Variants in FXR1 observed in about 807,000 individuals in gnomAD.
The protein encoded by FXR1 is RNA-binding protein FXR1.
Under a neutral mutation model 84.0 loss-of-function variants are expected in FXR1, and 15 were observed. The ratio of observed to expected loss-of-function variants is 0.18; its 90% CI spans 0.12 to 0.27. The LOEUF is 0.27. FXR1 is among the 10% of genes least tolerant of loss of function. The pLI is 1.00. For missense variants in FXR1, 480 were observed against 774.4 expected (o/e 0.62, Z 4.51); for synonymous variants, 245 against 250.7 (o/e 0.98, Z 0.21).
rs970863467 is a variant in FXR1 at position 180,937,725 on chromosome 3, G to A, written c.198+2494G>A. 3.3e-5 allele frequency among the ~76,000 whole-genome samples: 5 copies of A among 152,096 alleles called. 1 individual carries two copies. Among genetic ancestry groups the A allele is most frequent in the South Asian group, 4.1e-4 (2 of 4,820 alleles). The stretch of plus-strand genomic sequence containing the variant: ...TTTATTAAGGATTTATCCATATTAC[G>A]TAGAGTGTTTAGAAATTCGGAGTTA... On this transcript the variant is annotated intron_variant, in intron 3 of 16. Transcript: ENST00000357559.
intron 8 of FXR1, among the ~76,000 whole-genome samples, chr3:180,952,828 C>CTTTT (rs371547296): frequency 1.6e-5 from 2 of 121,500 alleles, no homozygotes; most frequent in Admixed American, 8.5e-5. Context: ...ATTTTATTTG[C>CTTTT]TTTTTTTTTT....
Position 180,970,296 on chromosome 3 carries a change from A to T in FXR1, c.1541A>T (p.Asp514Val), listed in dbSNP as rs748751491. Reference protein sequence around the residue: ...RRSRRRRTDEDAVLMDGMTES... With the variant: ...RRSRRRRTDEVAVLMDGMTES... The stretch of plus-strand genomic sequence containing the variant: ...TCTCGTAGACGAAGGACTGATGAAG[A>T]TGCTGTTCTGATGGATGGAATGACT... The change falls in exon 15 of 17, where the codon GAT (aspartate) becomes GTT (valine). Residue 514 changes from aspartate to valine, a missense_variant. Around this residue, in one of 6 missense-constraint regions of FXR1, gnomAD observed 157 missense variants for 227.8 expected, o/e 0.69. Coordinates refer to ENST00000357559, the MANE Select transcript of FXR1 (RefSeq NM_005087.4). The T allele has an allele frequency of 1.2e-6, 2 of 1,606,950 alleles. No individual in the cohort carries two copies. The highest frequency in any genetic ancestry group is 8.5e-7 in the Non-Finnish European group (1 of 1,175,046).
At chr3:180,940,773 T>A (rs1393234998) in intron 3 of FXR1, among the ~76,000 whole-genome samples, 1 of 151,994 alleles carries the variant, frequency 6.6e-6, no homozygotes, top group Non-Finnish European at 1.5e-5. Flanking sequence ...ACGGGTTTTC[T>A]CCACATTGGT....
intron 1 of FXR1, among the ~76,000 whole-genome samples, chr3:180,932,527 T>C (rs1210484998): frequency 6.6e-6 from 1 of 152,186 alleles, no homozygotes; most frequent in East Asian, 1.9e-4. Flanking sequence ...CTTTCTTGAG[T>C]ATGTCAGATC....
chr3:180,947,604 A>G (rs959814014), intron 3 of FXR1, among the ~76,000 whole-genome samples: 1 of 152,232 alleles, frequency 6.6e-6, no homozygotes, highest in African/African-American at 2.4e-5. Context: ...GCATTTCTTT[A>G]AAATAATACT....
rs764441543 is a variant in FXR1, at chr3:180,976,282, G to A, written c.1856G>A (p.Gly619Asp). 6 of 1,597,660 alleles carry A rather than the reference G, an allele frequency of 3.8e-6. No homozygotes were observed. The highest frequency in any genetic ancestry group is 5.1e-6 in the Non-Finnish European group (6 of 1,171,972). Reference sequence around the variant, plus strand: ...ACTCAAGAAGCAGCAGTCCTGAATGGTGTTTCATAAACTGAAGAAGTTCCT... The same window carrying A: ...ACTCAAGAAGCAGCAGTCCTGAATGATGTTTCATAAACTGAAGAAGTTCCT... ...ENTQEAAVLN[G>D]VS Residue 619 changes from glycine (G) to aspartate (D), a missense_variant, in exon 17 of 17, where the codon GGT becomes GAT. By Grantham distance (94) the Gly-to-Asp change is moderately conservative (BLOSUM62 -1). Coordinates refer to ENST00000357559, the MANE Select transcript of FXR1 (RefSeq NM_005087.4).
intron 7 of FXR1, 52 bp from the exon 8 acceptor site, chr3:180,951,246 A>C (rs1722208662): frequency 1.7e-6 from 2 of 1,174,950 alleles, no homozygotes; most frequent in South Asian, 1.3e-5. Flanking sequence ...CCATACAAAA[A>C]AGCCATTTTG....
chr3:180,925,603 A>G (rs1279517314), intron 1 of FXR1, among the ~76,000 whole-genome samples: 1 of 152,194 alleles, frequency 6.6e-6, no homozygotes, highest in African/African-American at 2.4e-5. Flanking sequence ...TTTGAGTACT[A>G]AAGAGTGACA....
intron 1 of FXR1, among the ~76,000 whole-genome samples, chr3:180,925,379 A>G (rs534572930): frequency 6.7e-6 from 1 of 148,270 alleles, no homozygotes; most frequent in East Asian, 2.0e-4. Flanking sequence ...AAAAAAGTAC[A>G]TTCCTCTGTT....
intron 1 of FXR1, among the ~76,000 whole-genome samples, chr3:180,917,948 A>C (rs865861267): frequency 2.5e-3 from 171 of 68,808 alleles, no homozygotes; most frequent in African/African-American, 0.012. Context: ...CTCTGTCTCC[A>C]AAAAAAAAAA....
intron 15 of FXR1, among the ~76,000 whole-genome samples, chr3:180,972,138 C>T (rs1286650926): frequency 1.3e-5 from 2 of 152,086 alleles, no homozygotes; most frequent in African/African-American, 4.8e-5. Context: ...TGTTTTCCTT[C>T]CCCTTCTTTC....
intron 15 of FXR1, 25 bp downstream of exon 15, chr3:180,970,383 A>AATATATAG (rs1713379998): frequency 2.7e-6 from 1 of 366,380 alleles, no homozygotes; most frequent in Non-Finnish European, 5.3e-6. Flanking sequence ...AGGGAAGAGA[A>AATATATAG]ATATATATAT....
intron 3 of FXR1, among the ~76,000 whole-genome samples, chr3:180,947,191 G>A (rs1021792128): frequency 5.3e-5 from 8 of 152,054 alleles, no homozygotes; most frequent in African/African-American, 1.9e-4. Flanking sequence ...TGAGATTACA[G>A]GCACCTGCCA....
chr3:180,970,076 A>G, intron 14 of FXR1, 82 bp from the exon 15 acceptor site: 3 of 658,682 alleles, frequency 4.6e-6, no homozygotes, highest in Non-Finnish European at 8.4e-6. Flanking sequence ...TTTATTTGTC[A>G]TTGATATAGT....
At chr3:180,920,232 T>A (rs1207171622) in intron 1 of FXR1, among the ~76,000 whole-genome samples, 4 of 152,170 alleles carry the variant, frequency 2.6e-5, no homozygotes, top group Non-Finnish European at 5.9e-5. Flanking sequence ...GTAACCTTTT[T>A]GTTTTTACAG....
rs115339610 is a variant in FXR1, at chr3:180,963,727, C to T, written c.1198+637C>T. Among the ~76,000 whole-genome samples the T allele has an allele frequency of 2.5e-3, 373 of 152,188 alleles. 1 individual carries two copies. The highest frequency in any genetic ancestry group is 8.5e-3 in the African/African-American group (353 of 41,524). ...TTTCACTGTGAGGATTGGGTCTAAC[C>T]CAGATAGGAAGGGGGACAGTGGAGT... On this transcript the variant is annotated intron_variant, in intron 13 of 16. Coordinates refer to ENST00000357559, the MANE Select transcript of FXR1 (RefSeq NM_005087.4).
intron 10 of FXR1, 129 bp from the exon 11 acceptor site, chr3:180,961,339 C>CA (rs34386869): frequency 0.018 from 5,290 of 290,704 alleles, 361 homozygotes; most frequent in Admixed American, 0.027. Context: ...GACGTCATCT[C>CA]AAAAAAAAAA....
chr3:180,921,403 T>C (rs1268291628), intron 1 of FXR1, among the ~76,000 whole-genome samples: 2 of 151,868 alleles, frequency 1.3e-5, no homozygotes, highest in African/African-American at 4.8e-5. Flanking sequence ...GTAATAATTA[T>C]TGTAATGTAT....
rs771375596 is a variant in FXR1, at chr3:180,912,749, T to C, written c.51+13T>C. On this transcript the variant is annotated intron_variant, in intron 1 of 16. Coordinates refer to ENST00000357559, the MANE Select transcript of FXR1 (RefSeq NM_005087.4). ...GGCTTTCTACAAGGTACTGACCGTTTTGCCACTTTGTCGAGTGTTCTGGGT... is the reference window on the plus strand; with the variant it reads ...GGCTTTCTACAAGGTACTGACCGTTCTGCCACTTTGTCGAGTGTTCTGGGT... 56 of 1,613,982 alleles carry C rather than the reference T, an allele frequency of 3.5e-5. No individual in the cohort carries two copies. The highest frequency in any genetic ancestry group is 1.7e-5 in the Admixed American group (1 of 59,992).
Sources: allele counts gnomAD v4.1 joint callset (sites outside exome capture counted in the v4.1 genomes callset), GRCh38; gene constraint gnomAD v4.1.1; regional missense constraint gnomAD v4.1.1; transcripts MANE v1.5; gene names NCBI Gene and HGNC (gene_info 2026-07-23, HGNC 2026-07-21).